Variants in ABL2 observed in about 807,000 individuals in gnomAD.
ABL2 encodes the protein ABL proto-oncogene 2, non-receptor tyrosine kinase.
A neutral mutation model predicts 107.7 loss-of-function variants in ABL2; 49 were observed. The observed-to-expected ratio is 0.45, with a 90% confidence interval of 0.36 to 0.58. ABL2 has a LOEUF of 0.58. ABL2 is among the 20% of genes least tolerant of loss of function. The probability of loss-of-function intolerance (pLI) is 0.00; values close to 1 mark genes in which losing one functional copy is unlikely to be tolerated. For synonymous variants in ABL2, 549 were observed against 548.6 expected (o/e 1.00, Z -0.01); for missense variants, 1,245 against 1,457.0 (o/e 0.85, Z 2.37).
At chr1:179,157,707 C>CTT (rs11411364) in intron 1 of ABL2, among the ~76,000 whole-genome samples, 12,193 of 142,644 alleles carry the variant, frequency 0.085, 550 homozygotes, top group Middle Eastern at 0.11. Context: ...ATTACAGAAT[C>CTT]TTTTTTTTTT....
chr1:179,201,835 C>A, intron 1 of ABL2: 1 of 1,209,066 alleles, frequency 8.3e-7, no homozygotes, highest in Non-Finnish European at 1.1e-6. Context: ...AACATGGTGA[C>A]AGAAGAAGAC....
rs1344039313 is a variant in ABL2, at chr1:179,170,146, CA to C, written c.158-36773del. On this transcript the variant is annotated intron_variant, in intron 1 of 11. Transcript: ENST00000502732. Reference sequence around the variant, plus strand: ...AAGGTCATCCCATGGCAGGAGGCATCATATGGTGAGAAAGCATACTCAACAG... The same window carrying C: ...AAGGTCATCCCATGGCAGGAGGCATCTATGGTGAGAAAGCATACTCAACAG... 2.0e-5 allele frequency among the ~76,000 whole-genome samples: 3 copies of C among 152,150 alleles called. No homozygotes were observed. In the East Asian group the frequency reaches 5.8e-4, roughly 29 times the overall value.
At chr1:179,217,016 C>T (rs1434991131) in intron 1 of ABL2, among the ~76,000 whole-genome samples, 2 of 151,840 alleles carry the variant, frequency 1.3e-5, no homozygotes, top group South Asian at 2.1e-4. Flanking sequence ...TGATTGGAGG[C>T]CAGGCGTGGG....
At chr1:179,187,514 A>G (rs986546827) in intron 1 of ABL2, among the ~76,000 whole-genome samples, 5 of 152,132 alleles carry the variant, frequency 3.3e-5, no homozygotes, top group African/African-American at 1.2e-4. Flanking sequence ...AAGGCCTAAG[A>G]AAAAAAATTA....
intron 1 of ABL2, among the ~76,000 whole-genome samples, chr1:179,146,051 T>C (rs183201658): frequency 2.0e-5 from 3 of 152,146 alleles, no homozygotes; most frequent in African/African-American, 7.2e-5. Flanking sequence ...TGCACCACCA[T>C]GCCTGGCTAA....
intron 1 of ABL2, among the ~76,000 whole-genome samples, chr1:179,212,183 G>A (rs1258380183): frequency 6.6e-6 from 1 of 152,138 alleles, no homozygotes; most frequent in Non-Finnish European, 1.5e-5. Flanking sequence ...GAACAGCATG[G>A]GAGAAACTGC....
intron 1 of ABL2, among the ~76,000 whole-genome samples, chr1:179,226,412 G>T (rs905283667): frequency 1.3e-5 from 2 of 150,216 alleles, no homozygotes; most frequent in Admixed American, 6.7e-5. Context: ...GGGTTCAAGC[G>T]ATTCTCCTGT....
chr1:179,219,081 C>T (rs1558006983), intron 1 of ABL2, among the ~76,000 whole-genome samples: 2 of 152,170 alleles, frequency 1.3e-5, no homozygotes, highest in South Asian at 2.1e-4. Context: ...CTCATTCTGT[C>T]GCCCAGAATG....
chr1:179,200,558 A>G (rs1022514687), intron 1 of ABL2, among the ~76,000 whole-genome samples: 2 of 152,088 alleles, frequency 1.3e-5, no homozygotes, highest in African/African-American at 4.8e-5. Flanking sequence ...CGCATATTCT[A>G]TCTCCCACCC....
chr1:179,229,636 C>CGCCGCCGCCGCCGCT lies in ABL2; in HGVS notation c.-240_-239insAGCGGCGGCGGCGGC. ...TGTCGCGGCTCCGCGCCCCCAACGC[C>CGCCGCCGCCGCCGCT]GCCGCCGCCGCCGCCGCCACCGCCG... On this transcript the variant is annotated 5_prime_UTR_variant, in exon 1 of 12. Coordinates refer to ENST00000502732, the MANE Select transcript of ABL2 (RefSeq NM_007314.4). The CGCCGCCGCCGCCGCT allele has an allele frequency of 2.2e-6, 1 of 459,914 alleles. No individual in the cohort carries two copies. Among genetic ancestry groups the CGCCGCCGCCGCCGCT allele is most frequent in the South Asian group, 3.1e-5 (1 of 32,116 alleles). The allele number at this position is 459,914 out of a possible 1,614,324, so 28.5% of individuals were successfully genotyped here.
At chr1:179,117,586 T>C (rs1392257628) in intron 7 of ABL2, 70 bp from the exon 8 acceptor site, 4 of 1,537,676 alleles carry the variant, frequency 2.6e-6, no homozygotes, top group African/African-American at 1.4e-5. Flanking sequence ...CACTCTATTC[T>C]TGGTTTTGTG....
chr1:179,168,209 G>T (rs1659506347), intron 1 of ABL2, among the ~76,000 whole-genome samples: 4 of 152,232 alleles, frequency 2.6e-5, no homozygotes, highest in Non-Finnish European at 4.4e-5. Context: ...GGTTTCCACA[G>T]GGACCCCTAG....
chr1:179,110,948 T>C, intron 10 of ABL2: 1 of 1,475,272 alleles, frequency 6.8e-7, no homozygotes, highest in Non-Finnish European at 9.3e-7. Context: ...TTACTCTGCA[T>C]GCTTGCTAAA....
At chr1:179,174,266 C>T (rs181622439) in intron 1 of ABL2, among the ~76,000 whole-genome samples, 208 of 148,730 alleles carry the variant, frequency 1.4e-3, no homozygotes, top group African/African-American at 4.7e-3. Context: ...CCAGCCTGGG[C>T]GAAAGAGCAA....
chr1:179,213,633 A>G (rs774898077), intron 1 of ABL2, among the ~76,000 whole-genome samples: 7 of 152,168 alleles, frequency 4.6e-5, no homozygotes, highest in Non-Finnish European at 5.9e-5. Context: ...GGACATTTCA[A>G]GTGCTCAAGA....
chr1:179,161,673 T>G (rs1331381136), intron 1 of ABL2, among the ~76,000 whole-genome samples: 1 of 152,188 alleles, frequency 6.6e-6, no homozygotes. Context: ...ACTGTGCTAA[T>G]GTACTCCAGC....
At chr1:179,182,721 GTGTT>G (rs1188526931) in intron 1 of ABL2, among the ~76,000 whole-genome samples, 5 of 152,040 alleles carry the variant, frequency 3.3e-5, no homozygotes, top group Non-Finnish European at 7.4e-5. Flanking sequence ...CTTTATGGTT[GTGTT>G]TATTATTATT....
Position 179,226,647 on chromosome 1 carries a change from T to C in ABL2, c.157+2594A>G, listed in dbSNP as rs1663231510. Among the ~76,000 whole-genome samples, 2 of 152,150 alleles carry C rather than the reference T, an allele frequency of 1.3e-5. 1 individual carries two copies. Among genetic ancestry groups the C allele is most frequent in the Admixed American group, 1.3e-4 (2 of 15,270 alleles). ...TTAATAATAACAGTAGTATTAGTAA[T>C]GGCAGCAGCTACACACATTTAGCTC... On this transcript the variant is annotated intron_variant, in intron 1 of 11. Coordinates refer to ENST00000502732, the MANE Select transcript of ABL2 (RefSeq NM_007314.4).
intron 1 of ABL2, among the ~76,000 whole-genome samples, 180 bp downstream of exon 1, chr1:179,229,061 G>A (rs889768828): frequency 2.0e-5 from 3 of 151,942 alleles, no homozygotes; most frequent in African/African-American, 7.3e-5. Flanking sequence ...GGCTAGAGAC[G>A]CGAGGGGGGA....
Sources: gnomAD v4.1 joint callset for allele counts (sites outside exome capture counted in the v4.1 genomes callset) on GRCh38, gnomAD v4.1.1 for gene constraint, MANE v1.5 for transcripts, NCBI Gene and HGNC (gene_info 2026-07-23, HGNC 2026-07-21) for gene names.